Variants in ZNF618 observed in about 807,000 individuals in gnomAD.
ZNF618 encodes the protein zinc finger protein 618, also known as neural precursor cell expressed, developmentally down-regulated 10.
A neutral mutation model predicts 103.0 loss-of-function variants in ZNF618; 34 were observed. That is an observed-to-expected ratio of 0.33 (90% CI 0.25 to 0.44). ZNF618 has a LOEUF of 0.44. Ranked by LOEUF, ZNF618 falls within the 20% of genes least tolerant of loss-of-function variation. The probability of loss-of-function intolerance (pLI) is 1.00; values close to 1 mark genes in which losing one functional copy is unlikely to be tolerated. For synonymous variants in ZNF618, 551 were observed against 542.2 expected (o/e 1.02, Z -0.23); for missense variants, 1,059 against 1,295.4 (o/e 0.82, Z 2.80).
chr9:113,903,961 G>C (rs1409610376), intron 1 of ZNF618, among the ~76,000 whole-genome samples: 1 of 149,960 alleles, frequency 6.7e-6, no homozygotes, highest in Non-Finnish European at 1.5e-5. Flanking sequence ...GAAAACTTTC[G>C]GCCATTATTT....
intron 1 of ZNF618, among the ~76,000 whole-genome samples, chr9:113,935,626 G>A (rs964214607): frequency 5.3e-5 from 8 of 152,130 alleles, no homozygotes; most frequent in African/African-American, 1.9e-4. Flanking sequence ...CAGTCCTCTT[G>A]GGGACTCTGT....
chr9:114,011,282 A>G (rs986392525), intron 9 of ZNF618, among the ~76,000 whole-genome samples: 5 of 152,374 alleles, frequency 3.3e-5, no homozygotes, highest in South Asian at 4.1e-4. Context: ...GTCCTTACAC[A>G]TGCATGCAAA....
At position 114,004,254 on chromosome 9, in the gene ZNF618, C is replaced by T. The variant is rs1466410199; in HGVS notation, c.550+1592C>T. On this transcript the variant is annotated intron_variant, in intron 6 of 14. Transcript: ENST00000374126. ...ATGTTCCAGAGAGAAATCTGAGGCC[C>T]AGGTCAGCTAGACACCTGCCACAGG... Among the ~76,000 whole-genome samples the T allele has an allele frequency of 2.0e-5, 3 of 152,184 alleles. No homozygotes were observed. In the East Asian group the frequency reaches 5.8e-4, roughly 29 times the overall value.
At chr9:114,013,254 T>G (rs1842400565) in intron 9 of ZNF618, among the ~76,000 whole-genome samples, 1 of 152,194 alleles carries the variant, frequency 6.6e-6, no homozygotes, top group African/African-American at 2.4e-5. Context: ...TATACTCTGA[T>G]GAACTAAGTT....
At chr9:113,910,796 A>G (rs1831466990) in intron 1 of ZNF618, among the ~76,000 whole-genome samples, 2 of 151,830 alleles carry the variant, frequency 1.3e-5, no homozygotes, top group Admixed American at 1.3e-4. Context: ...TATCTGAATG[A>G]ATTCCAAGTT....
At chr9:114,010,318 AAGAT>A (rs1335232124) in intron 9 of ZNF618, among the ~76,000 whole-genome samples, 1 of 144,132 alleles carries the variant, frequency 6.9e-6, no homozygotes, top group Admixed American at 6.9e-5. Flanking sequence ...AAAAAAAAAA[AAGAT>A]GAAGAATATG....
chr9:114,014,768 A>AT (rs398113826), intron 9 of ZNF618, among the ~76,000 whole-genome samples: 87,696 of 151,704 alleles, frequency 0.58, 26,636 homozygotes, highest in East Asian at 0.67. Flanking sequence ...AACACCTAGA[A>AT]TTTTTTTTTC....
At chr9:114,019,487 G>A (rs1464513591) in intron 10 of ZNF618, among the ~76,000 whole-genome samples, 1 of 152,208 alleles carries the variant, frequency 6.6e-6, no homozygotes, top group Non-Finnish European at 1.5e-5. Context: ...CTTGCTCCAT[G>A]TTCTTGCCAA....
rs1434814780 is a variant in ZNF618, at chr9:113,951,493, G to GTGTGCACATATATGTGTA, written c.34-17623_34-17622insGTGCACATATATGTGTAT. ...TGTGTATGTGTACACATATATGTGTGTATGTGTACACATATATGTGTGTAT... is the reference window on the plus strand; with the variant it reads ...TGTGTATGTGTACACATATATGTGTGTGTGCACATATATGTGTATATGTGTACACATATATGTGTGTAT... On this transcript the variant is annotated intron_variant, in intron 1 of 14. Transcript: ENST00000374126. Among the ~76,000 whole-genome samples the GTGTGCACATATATGTGTA allele has an allele frequency of 2.1e-3, 109 of 51,272 alleles. 8 individuals carry two copies. Among genetic ancestry groups the GTGTGCACATATATGTGTA allele is most frequent in the Admixed American group, 3.1e-3 (13 of 4,238 alleles). The allele number at this position is 51,272 out of a possible 152,430, so 33.6% of individuals were successfully genotyped here.
intron 10 of ZNF618, among the ~76,000 whole-genome samples, chr9:114,018,362 A>G (rs1415348768): frequency 6.6e-6 from 1 of 152,236 alleles, no homozygotes; most frequent in African/African-American, 2.4e-5. Context: ...GGTACAGGGC[A>G]GCCATGTTTG....
intron 1 of ZNF618, among the ~76,000 whole-genome samples, chr9:113,908,538 T>C (rs549754172): frequency 5.3e-4 from 80 of 152,306 alleles, no homozygotes; most frequent in Non-Finnish European, 9.3e-4. Flanking sequence ...TAAGTTCTGA[T>C]TTTAAAAGGA....
At chr9:113,956,958 G>A (rs951865384) in intron 1 of ZNF618, among the ~76,000 whole-genome samples, 1 of 152,146 alleles carries the variant, frequency 6.6e-6, no homozygotes, top group Non-Finnish European at 1.5e-5. Flanking sequence ...CAGTCACCTT[G>A]TGAGGTCAGT....
intron 1 of ZNF618, among the ~76,000 whole-genome samples, chr9:113,947,690 G>A (rs952895454): frequency 3.9e-5 from 6 of 152,154 alleles, no homozygotes; most frequent in African/African-American, 1.2e-4. Flanking sequence ...GTATTTCCCC[G>A]AGGCCAGACC....
At chr9:113,878,185 C>CAA (rs11459008) in intron 1 of ZNF618, among the ~76,000 whole-genome samples, 2,467 of 145,476 alleles carry the variant, frequency 0.017, 48 homozygotes, top group South Asian at 0.02. Context: ...GGTTTGTGAC[C>CAA]AAAAAAAAAA....
chr9:113,887,116 G>A (rs1054785980), intron 1 of ZNF618, among the ~76,000 whole-genome samples: 1 of 151,784 alleles, frequency 6.6e-6, no homozygotes, highest in South Asian at 2.1e-4. Context: ...GTGGAACCCC[G>A]GAGAGGGCAA....
chr9:114,027,123 G>C (rs1843574773), intron 10 of ZNF618, among the ~76,000 whole-genome samples: 1 of 152,112 alleles, frequency 6.6e-6, no homozygotes, highest in African/African-American at 2.4e-5. Context: ...AAAAAAATTG[G>C]AAATTATGAG....
At chr9:114,003,475 C>T (rs891035488) in intron 6 of ZNF618, among the ~76,000 whole-genome samples, 8 of 152,204 alleles carry the variant, frequency 5.3e-5, no homozygotes, top group Admixed American at 3.9e-4. Context: ...GCCCAGAGCT[C>T]ATTGAATGGA....
At chr9:113,926,229 A>T (rs1228446407) in intron 1 of ZNF618, among the ~76,000 whole-genome samples, 2 of 151,792 alleles carry the variant, frequency 1.3e-5, no homozygotes, top group South Asian at 2.1e-4. Context: ...GAGAAATCCA[A>T]TGTAATTCTT....
intron 3 of ZNF618, 72 bp downstream of exon 3, chr9:113,988,652 C>T (rs1839722058): frequency 3.2e-5 from 48 of 1,499,328 alleles, no homozygotes; most frequent in South Asian, 6.5e-5. Context: ...TGGGGAAAAG[C>T]GGCCTGGCGC....
Sources: allele counts gnomAD v4.1 joint callset (sites outside exome capture counted in the v4.1 genomes callset), GRCh38; gene constraint gnomAD v4.1.1; transcripts MANE v1.5; gene names NCBI Gene and HGNC (gene_info 2026-07-23, HGNC 2026-07-21).